NFASC: variants seen among roughly 807,000 people sequenced by gnomAD.
NFASC encodes neurofascin.
NFASC carries 43 observed loss-of-function variants against 147.5 expected under a neutral mutation model. The ratio of observed to expected loss-of-function variants is 0.29; its 90% CI spans 0.23 to 0.38. NFASC has a LOEUF of 0.38. Ranked by LOEUF, NFASC falls within the 10% of genes least tolerant of loss-of-function variation. The probability of loss-of-function intolerance (pLI) is 1.00; values close to 1 mark genes in which losing one functional copy is unlikely to be tolerated. For missense variants in NFASC, 1,320 were observed against 1,689.0 expected (o/e 0.78, Z 3.83); for synonymous variants, 622 against 665.5 (o/e 0.93, Z 1.01).
chr1:204,966,282 G>C (rs146586971), intron 8 of NFASC, among the ~76,000 whole-genome samples: 4 of 152,086 alleles, frequency 2.6e-5, no homozygotes, highest in Non-Finnish European at 5.9e-5. Flanking sequence ...TGGGTTGTGC[G>C]TGCTGGTGGT....
intron 2 of NFASC, among the ~76,000 whole-genome samples, chr1:204,930,529 G>A (rs1320367203): frequency 6.6e-6 from 1 of 152,142 alleles, no homozygotes; most frequent in African/African-American, 2.4e-5. Flanking sequence ...TTATTGTACT[G>A]TCTCAGGAGA....
At chr1:204,832,420 C>T (rs1317613194) in intron 1 of NFASC, among the ~76,000 whole-genome samples, 2 of 151,824 alleles carry the variant, frequency 1.3e-5, no homozygotes, top group Non-Finnish European at 2.9e-5. Flanking sequence ...GCAAGGTTCA[C>T]ACACCTGCAA....
Position 204,947,402 on chromosome 1 carries a change from C to T in NFASC, c.91+2996C>T, listed in dbSNP as rs532532447. Among the ~76,000 whole-genome samples, 7 of 152,310 alleles carry T rather than the reference C, an allele frequency of 4.6e-5. No individual in the cohort carries two copies. In the South Asian group the frequency reaches 1.0e-3, roughly 23 times the overall value. On this transcript the variant is annotated intron_variant, in intron 3 of 29. Coordinates refer to ENST00000339876, the MANE Select transcript of NFASC (RefSeq NM_001005388.3). ...GAAGATCAGGCATTCTTAACGTTCT[C>T]GCCCTGCCAGGTGTTCTTTCTACTC...
chr1:205,001,448 G>A (rs564205210), intron 26 of NFASC, among the ~76,000 whole-genome samples, 162 bp downstream of exon 26: 3 of 152,090 alleles, frequency 2.0e-5, no homozygotes, highest in African/African-American at 2.4e-5. Context: ...GCACTCAGGC[G>A]GCAGTGAGGT....
intron 8 of NFASC, among the ~76,000 whole-genome samples, chr1:204,967,027 AC>A (rs1479622933): frequency 2.0e-5 from 3 of 152,222 alleles, no homozygotes; most frequent in South Asian, 2.1e-4. Context: ...CTCTCTCCTC[AC>A]GCTACCAGCA....
intron 4 of NFASC, 143 bp from the exon 5 acceptor site, chr1:204,951,868 G>A (rs2094147368): frequency 3.3e-6 from 2 of 610,246 alleles, no homozygotes; most frequent in Admixed American, 2.7e-5. Flanking sequence ...TCTAGAATGG[G>A]GCCCTGTTCA....
At position 204,911,376 on chromosome 1, in the gene NFASC, G is replaced by A. The variant is rs144786333; in HGVS notation, c.-199-9256G>A. Among the ~76,000 whole-genome samples the A allele has an allele frequency of 1.3e-3, 195 of 152,174 alleles. 1 individual carries two copies. The highest frequency in any genetic ancestry group is 4.4e-3 in the African/African-American group (181 of 41,520). Reference sequence around the variant, plus strand: ...TGTTAAGGACTTTTTTTAAATGAATGTTAACATTTTAACTTTTTATTTAAG... The same window carrying A: ...TGTTAAGGACTTTTTTTAAATGAATATTAACATTTTAACTTTTTATTTAAG... On this transcript the variant is annotated intron_variant, in intron 1 of 29. Coordinates refer to ENST00000339876, the MANE Select transcript of NFASC (RefSeq NM_001005388.3).
At chr1:204,922,839 G>T (rs1048518505) in intron 2 of NFASC, among the ~76,000 whole-genome samples, 2 of 152,160 alleles carry the variant, frequency 1.3e-5, no homozygotes, top group Non-Finnish European at 1.5e-5. Flanking sequence ...AGTAAGTTCT[G>T]AGAGAAGGGA....
chr1:204,962,262 C>A, intron 8 of NFASC: 2 of 1,019,446 alleles, frequency 2.0e-6, no homozygotes, highest in Admixed American at 1.9e-5. Context: ...TGGCAGCTGG[C>A]CCAGCCAGGG....
chr1:204,990,590 GAAAA>G (rs1158353046), intron 23 of NFASC: 1 of 144,622 alleles, frequency 6.9e-6, no homozygotes, highest in African/African-American at 2.5e-5. Flanking sequence ...GAAAAAGAAA[GAAAA>G]AAGAAAGGGC....
intron 1 of NFASC, among the ~76,000 whole-genome samples, chr1:204,895,051 T>C (rs1324400484): frequency 6.6e-6 from 1 of 152,340 alleles, no homozygotes; most frequent in South Asian, 2.1e-4. Flanking sequence ...ATGTCTTCTG[T>C]GTTGCTTGCA....
intron 21 of NFASC, chr1:204,984,058 C>T (rs1394196478): frequency 6.2e-7 from 1 of 1,614,072 alleles, no homozygotes; most frequent in Non-Finnish European, 8.5e-7. Flanking sequence ...AAGTTAAAGT[C>T]CGAGTCATGA....
chr1:205,011,207 AC>A (rs10628542), intron 28 of NFASC, among the ~76,000 whole-genome samples: 2 of 143,090 alleles, frequency 1.4e-5, no homozygotes, highest in African/African-American at 5.3e-5. Flanking sequence ...CTCCCCCAGG[AC>A]CCCCCCCAAA....
chr1:204,971,367 T>C (rs2095250213), intron 11 of NFASC, among the ~76,000 whole-genome samples: 1 of 152,104 alleles, frequency 6.6e-6, no homozygotes, highest in African/African-American at 2.4e-5. Flanking sequence ...CTTGGTCAAG[T>C]TTTCACATCA....
At chr1:204,971,152 C>T (rs2095240302) in intron 11 of NFASC, among the ~76,000 whole-genome samples, 1 of 152,118 alleles carries the variant, frequency 6.6e-6, no homozygotes, top group Non-Finnish European at 1.5e-5. Flanking sequence ...TTGTTGGTTA[C>T]TCAAGTTCCG....
At chr1:204,876,296 A>G (rs1407889605) in intron 1 of NFASC, among the ~76,000 whole-genome samples, 1 of 152,102 alleles carries the variant, frequency 6.6e-6, no homozygotes, top group Non-Finnish European at 1.5e-5. Flanking sequence ...TCCAGTTTAC[A>G]GTCCACCGCC....
intron 1 of NFASC, among the ~76,000 whole-genome samples, chr1:204,894,159 C>T (rs1044054553): frequency 6.6e-6 from 1 of 152,254 alleles, no homozygotes; most frequent in African/African-American, 2.4e-5. Context: ...CAGGCCTCTG[C>T]TGTATCTTTG....
At chr1:204,893,893 C>T (rs948376500) in intron 1 of NFASC, among the ~76,000 whole-genome samples, 4 of 152,220 alleles carry the variant, frequency 2.6e-5, no homozygotes, top group Non-Finnish European at 5.9e-5. Context: ...TTCCCATTTG[C>T]CTGCCTTTAG....
chr1:204,899,093 G>C (rs2083989181), intron 1 of NFASC, among the ~76,000 whole-genome samples: 1 of 152,088 alleles, frequency 6.6e-6, no homozygotes, highest in East Asian at 1.9e-4. Context: ...CCAGGCTGAT[G>C]GGAGGAAGAG....
Sources: gnomAD v4.1 joint callset for allele counts (sites outside exome capture counted in the v4.1 genomes callset) on GRCh38, gnomAD v4.1.1 for gene constraint, MANE v1.5 for transcripts, NCBI Gene and HGNC (gene_info 2026-07-23, HGNC 2026-07-21) for gene names.